ANO10: variants seen among roughly 807,000 people sequenced by gnomAD.
ANO10 encodes the protein anoctamin 10.
ANO10 carries 77 observed loss-of-function variants against 74.7 expected under a neutral mutation model. The observed-to-expected ratio is 1.03, with a 90% confidence interval of 0.86 to 1.25. The LOEUF (loss-of-function observed/expected upper bound fraction) is 1.25. ANO10 is among the 50% of genes most tolerant of loss of function. ANO10 has a pLI of 0.00. For synonymous variants in ANO10, 279 were observed against 284.9 expected, an observed-to-expected ratio of 0.98 and a Z score of 0.21; for missense variants, 721 against 778.1, an observed-to-expected ratio of 0.93 and a Z score of 0.87.
chr3:43,663,133 A>G (rs1380236785), intron 1 of ANO10, among the ~76,000 whole-genome samples: 4 of 152,254 alleles, frequency 2.6e-5, no homozygotes, highest in Admixed American at 6.5e-5. Flanking sequence ...CATTGATGCG[A>G]AAATCCTCAA....
intron 1 of ANO10, among the ~76,000 whole-genome samples, chr3:43,675,290 A>T (rs1204858100): frequency 6.6e-6 from 1 of 152,206 alleles, no homozygotes; most frequent in African/African-American, 2.4e-5. Context: ...AAAAAAACAT[A>T]GGAGAAACAC....
chr3:43,596,319 A>G (rs1410497568), intron 4 of ANO10, among the ~76,000 whole-genome samples: 2 of 152,212 alleles, frequency 1.3e-5, no homozygotes, highest in Non-Finnish European at 2.9e-5. Flanking sequence ...ATCCTAAGCC[A>G]AAAGAACAAA....
chr3:43,536,866 C>T (rs888934460), intron 11 of ANO10, among the ~76,000 whole-genome samples: 15 of 151,910 alleles, frequency 9.9e-5, no homozygotes, highest in African/African-American at 3.1e-4. Context: ...AGTTTTTATA[C>T]ATTTTAAAAT....
chr3:43,405,469 T>A (rs999716524), intron 12 of ANO10, among the ~76,000 whole-genome samples: 7 of 152,194 alleles, frequency 4.6e-5, no homozygotes, highest in Admixed American at 4.6e-4. Flanking sequence ...ACTGGCAAAT[T>A]ATTCAACTGT....
chr3:43,412,195 G>T (rs1266674290), intron 12 of ANO10, among the ~76,000 whole-genome samples: 3 of 151,916 alleles, frequency 2.0e-5, no homozygotes, highest in African/African-American at 7.3e-5. Context: ...AACCAAAAGT[G>T]AAAATCAAAC....
chr3:43,375,832 G>A (rs1259245740), intron 12 of ANO10, among the ~76,000 whole-genome samples: 1 of 152,140 alleles, frequency 6.6e-6, no homozygotes, highest in East Asian at 1.9e-4. Context: ...AGCTCCTTGG[G>A]GGATGAATTT....
chr3:43,525,926 G>A (rs1236047431), intron 11 of ANO10, among the ~76,000 whole-genome samples: 2 of 152,188 alleles, frequency 1.3e-5, no homozygotes, highest in East Asian at 1.9e-4. Context: ...CCACTGTAGT[G>A]TACCAACAAC....
intron 5 of ANO10, among the ~76,000 whole-genome samples, chr3:43,578,384 G>T (rs994075359): frequency 6.6e-6 from 1 of 151,982 alleles, no homozygotes; most frequent in Non-Finnish European, 1.5e-5. Flanking sequence ...AGTCCCCAGC[G>T]ACCCCAAATC....
At chr3:43,611,959 C>T (rs879391824) in intron 1 of ANO10, among the ~76,000 whole-genome samples, 1 of 151,522 alleles carries the variant, frequency 6.6e-6, no homozygotes, top group Non-Finnish European at 1.5e-5. Context: ...AAACAAAACA[C>T]TTCCATTTAA....
intron 11 of ANO10, among the ~76,000 whole-genome samples, chr3:43,521,947 A>G (rs1409795061): frequency 1.3e-5 from 2 of 152,240 alleles, no homozygotes; most frequent in Non-Finnish European, 2.9e-5. Flanking sequence ...ATACAATGAC[A>G]TATTATTTAG....
chr3:43,679,172 A>G (rs1268395559), intron 1 of ANO10, among the ~76,000 whole-genome samples: 1 of 152,216 alleles, frequency 6.6e-6, no homozygotes, highest in Non-Finnish European at 1.5e-5. Flanking sequence ...GCAAGGGGTC[A>G]GGGAATTCCC....
At chr3:43,630,298 A>G (rs970616950) in intron 1 of ANO10, among the ~76,000 whole-genome samples, 3 of 152,242 alleles carry the variant, frequency 2.0e-5, no homozygotes, top group Non-Finnish European at 4.4e-5. Flanking sequence ...ATCATTTGTG[A>G]ATAAAGATAT....
intron 7 of ANO10, among the ~76,000 whole-genome samples, chr3:43,569,132 C>G (rs988113815): frequency 6.7e-6 from 1 of 149,288 alleles, no homozygotes; most frequent in African/African-American, 2.5e-5. Context: ...CAAGACTAAA[C>G]CAAGAAGAAG....
chr3:43,573,298 C>T (rs905685962), intron 7 of ANO10, among the ~76,000 whole-genome samples: 1 of 152,156 alleles, frequency 6.6e-6, no homozygotes, highest in East Asian at 1.9e-4. Context: ...GGCTACTTTT[C>T]CCTTTCCTAT....
intron 5 of ANO10, among the ~76,000 whole-genome samples, chr3:43,578,677 G>A (rs2081122450): frequency 7.2e-6 from 1 of 139,118 alleles, no homozygotes; most frequent in African/African-American, 2.6e-5. Context: ...TTGAACCTGG[G>A]AAGTGGAGAT....
chr3:43,462,864 G>A (rs1006866158), intron 11 of ANO10, among the ~76,000 whole-genome samples: 6 of 152,200 alleles, frequency 3.9e-5, no homozygotes, highest in African/African-American at 1.4e-4. Flanking sequence ...GCTGAAAGGG[G>A]CCAATGTAGA....
At chr3:43,601,250 G>C (rs1002985479) in intron 2 of ANO10, among the ~76,000 whole-genome samples, 1 of 152,166 alleles carries the variant, frequency 6.6e-6, no homozygotes, top group African/African-American at 2.4e-5. Context: ...CTATTGCCCA[G>C]GTTGGAGTAC....
At chr3:43,435,907 A>C (rs1036752519) in intron 11 of ANO10, among the ~76,000 whole-genome samples, 2 of 152,220 alleles carry the variant, frequency 1.3e-5, no homozygotes, top group African/African-American at 4.8e-5. Flanking sequence ...AACACAGCAG[A>C]GATAGAATCA....
At chr3:43,553,228 T>C (rs534158158) in intron 10 of ANO10, among the ~76,000 whole-genome samples, 8 of 152,206 alleles carry the variant, frequency 5.3e-5, no homozygotes, top group East Asian at 1.9e-4. Flanking sequence ...TATTTCTCTT[T>C]TGATGCTCTT....
Sources: gnomAD v4.1 joint callset for allele counts (sites outside exome capture counted in the v4.1 genomes callset) on GRCh38, gnomAD v4.1.1 for gene constraint, MANE v1.5 for transcripts, NCBI Gene and HGNC (gene_info 2026-07-23, HGNC 2026-07-21) for gene names.